Variants in AK3 observed in about 807,000 individuals in gnomAD.
AK3 encodes GTP:AMP phosphotransferase AK3, mitochondrial.
A neutral mutation model predicts 23.7 loss-of-function variants in AK3; 27 were observed. The observed-to-expected ratio is 1.14, with a 90% confidence interval of 0.84 to 1.57. AK3 has a LOEUF of 1.57. Among genes scored for constraint, AK3 ranks in the 40% most tolerant of loss-of-function variants. The pLI, the probability that AK3 is intolerant of heterozygous loss-of-function variation, is 0.00. For synonymous variants in AK3, 159 were observed against 116.0 expected (o/e 1.37, Z -2.38); for missense variants, 406 against 285.6 (o/e 1.42, Z -3.04).
At chr9:4,726,780 C>A (rs1252571084) in intron 1 of AK3, among the ~76,000 whole-genome samples, 1 of 151,200 alleles carries the variant, frequency 6.6e-6, no homozygotes, top group African/African-American at 2.4e-5. Flanking sequence ...CTAAGTTTTT[C>A]TATTTACTTT....
intron 1 of AK3, among the ~76,000 whole-genome samples, chr9:4,733,379 G>A (rs12350463): frequency 0.034 from 5,123 of 152,184 alleles, 279 homozygotes; most frequent in African/African-American, 0.12. Context: ...TCAACAAAGT[G>A]GTTACCTCTG....
At chr9:4,739,805 C>T (rs1468490935) in intron 1 of AK3, among the ~76,000 whole-genome samples, 2 of 151,968 alleles carry the variant, frequency 1.3e-5, no homozygotes, top group African/African-American at 2.4e-5. Context: ...GTGGCATGCG[C>T]CTGTAGTCCC....
At chr9:4,728,940 T>TAA (rs1372750466) in intron 1 of AK3, among the ~76,000 whole-genome samples, 2 of 137,420 alleles carry the variant, frequency 1.5e-5, no homozygotes, top group African/African-American at 2.5e-5. Flanking sequence ...TACATACATA[T>TAA]ATACATACAT....
At chr9:4,715,844 A>G (rs1002128287) in intron 4 of AK3, among the ~76,000 whole-genome samples, 3 of 152,174 alleles carry the variant, frequency 2.0e-5, no homozygotes, top group African/African-American at 7.2e-5. Context: ...TACCTTTGGG[A>G]AATAACCTCT....
At chr9:4,719,472 T>TGTGATG (rs1285704674) in intron 2 of AK3, among the ~76,000 whole-genome samples, 165 bp from the exon 3 acceptor site, 135 of 152,234 alleles carry the variant, frequency 8.9e-4, no homozygotes, top group Non-Finnish European at 2.4e-4. Context: ...GCGGTGCAAC[T>TGTGATG]GTGATGGTTA....
intron 1 of AK3, among the ~76,000 whole-genome samples, chr9:4,736,377 T>C (rs1203139309): frequency 6.6e-6 from 1 of 152,022 alleles, no homozygotes; most frequent in South Asian, 2.1e-4. Context: ...AAACATTTGA[T>C]TGTATAAGCA....
intron 1 of AK3, among the ~76,000 whole-genome samples, chr9:4,733,322 A>G (rs1023696755): frequency 2.5e-5 from 3 of 121,388 alleles, no homozygotes; most frequent in African/African-American, 7.7e-5. Flanking sequence ...TTTACACCCA[A>G]TCAAGGGCTT....
At chr9:4,720,551 G>C (rs1188352997) in intron 2 of AK3, among the ~76,000 whole-genome samples, 1 of 151,802 alleles carries the variant, frequency 6.6e-6, no homozygotes, top group South Asian at 2.1e-4. Context: ...TTAGCAGGGC[G>C]TGGTGGTGCA....
intron 1 of AK3, among the ~76,000 whole-genome samples, chr9:4,730,986 G>T (rs1247005514): frequency 1.3e-5 from 2 of 152,198 alleles, no homozygotes; most frequent in Non-Finnish European, 2.9e-5. Context: ...TCTGCTACCA[G>T]ATCTACACCT....
chr9:4,719,402 A>C, intron 2 of AK3, 95 bp from the exon 3 acceptor site: 47 of 1,027,828 alleles, frequency 4.6e-5, no homozygotes, highest in Admixed American at 5.5e-5. Flanking sequence ...AAAAGAAAGA[A>C]TTAATGTTGG....
At position 4,735,349 on chromosome 9, in the gene AK3, A is replaced by ACC. The variant is rs1343419020; in HGVS notation, c.151+5587_151+5588insGG. ...CATATATAAATATATATATACATAT[A>ACC]TAAATATATATATACATATATAAAT... On this transcript the variant is annotated intron_variant, in intron 1 of 4. Transcript: ENST00000381809. Among the ~76,000 whole-genome samples, 35 of 115,772 alleles carry ACC rather than the reference A, an allele frequency of 3.0e-4. 10 individuals carry two copies. The highest frequency in any genetic ancestry group is 5.7e-4 in the Admixed American group (5 of 8,728). The allele number at this position is 115,772 out of a possible 152,430, so 76.0% of individuals were successfully genotyped here. A position where few individuals can be genotyped will look rare whatever the true frequency, so the allele number is the denominator to read the frequency against.
intron 4 of AK3, among the ~76,000 whole-genome samples, chr9:4,716,760 G>C (rs1212587507): frequency 2.0e-5 from 3 of 152,076 alleles, no homozygotes; most frequent in Admixed American, 1.3e-4. Context: ...AAGAGCCCCA[G>C]CTCTAAAAAA....
chr9:4,727,324 C>G lies in AK3; in HGVS notation c.152-4699G>C, dbSNP rs568668332. 2.0e-5 allele frequency among the ~76,000 whole-genome samples: 3 copies of G among 152,320 alleles called. No individual in the cohort carries two copies. In the East Asian group the frequency reaches 5.8e-4, roughly 29 times the overall value. On this transcript the variant is annotated intron_variant, in intron 1 of 4. Transcript: ENST00000381809. Reference sequence around the variant, plus strand: ...GATGGCATCTTTTTCCAATAGAAGGCTGTTTCGTTTACATTGAAAATCTGT... The same window carrying G: ...GATGGCATCTTTTTCCAATAGAAGGGTGTTTCGTTTACATTGAAAATCTGT...
chr9:4,731,666 C>CA (rs1842157294), intron 1 of AK3, among the ~76,000 whole-genome samples: 1 of 151,840 alleles, frequency 6.6e-6, no homozygotes, highest in Non-Finnish European at 1.5e-5. Context: ...AAATTATATG[C>CA]AAAGACTCTT....
chr9:4,725,021 C>CT (rs71497550), intron 1 of AK3, among the ~76,000 whole-genome samples: 11,131 of 67,448 alleles, frequency 0.17, 606 homozygotes, highest in East Asian at 0.21. Flanking sequence ...CTACTAAACT[C>CT]TTTTTTTTTT....
chr9:4,711,581 G>A lies in AK3; in HGVS notation c.*1395C>T, dbSNP rs1194942640. The A allele has an allele frequency of 1.3e-5, 2 of 152,334 alleles. No homozygotes were observed. The highest frequency in any genetic ancestry group is 2.9e-5 in the Non-Finnish European group (2 of 68,018). The allele number at this position is 152,334 out of a possible 1,614,324, so 9.4% of individuals were successfully genotyped here. A position where few individuals can be genotyped will look rare whatever the true frequency, so the allele number is the denominator to read the frequency against. Reference sequence around the variant, plus strand: ...TATTTTAAGTACCTGGGAAAAAAACGGAACAGATTTTTAAAGGCAATAACG... The same window carrying A: ...TATTTTAAGTACCTGGGAAAAAAACAGAACAGATTTTTAAAGGCAATAACG... On this transcript the variant is annotated 3_prime_UTR_variant, in exon 5 of 5. Transcript: ENST00000381809.
chr9:4,721,576 A>G (rs1841896673), intron 2 of AK3, among the ~76,000 whole-genome samples: 1 of 151,562 alleles, frequency 6.6e-6, no homozygotes, highest in Admixed American at 6.6e-5. Flanking sequence ...CCCCTGTCTC[A>G]GCCTCCCGAG....
chr9:4,717,724 T>A (rs1841774984), intron 4 of AK3, among the ~76,000 whole-genome samples: 1 of 152,244 alleles, frequency 6.6e-6, no homozygotes, highest in African/African-American at 2.4e-5. Context: ...ATTCAACACT[T>A]TATTACAAAA....
At chr9:4,724,368 C>T (rs946084976) in intron 1 of AK3, among the ~76,000 whole-genome samples, 16 of 152,030 alleles carry the variant, frequency 1.1e-4, no homozygotes, top group African/African-American at 3.4e-4. Flanking sequence ...CTTCTAAATC[C>T]GAACCAGCTG....
Sources: allele counts gnomAD v4.1 joint callset (sites outside exome capture counted in the v4.1 genomes callset), GRCh38; gene constraint gnomAD v4.1.1; transcripts MANE v1.5; gene names NCBI Gene and HGNC (gene_info 2026-07-23, HGNC 2026-07-21).